PTH2R: variants seen among roughly 807,000 people sequenced by gnomAD.
The protein encoded by PTH2R is PTH2 receptor.
A neutral mutation model predicts 60.3 loss-of-function variants in PTH2R; 59 were observed. The ratio of observed to expected loss-of-function variants is 0.98; its 90% CI spans 0.79 to 1.22. PTH2R has a LOEUF of 1.22. Among genes scored for constraint, PTH2R ranks in the 50% most tolerant of loss-of-function variants. PTH2R has a pLI of 0.00. For missense variants in PTH2R, 749 were observed against 682.6 expected (o/e 1.10, Z -1.08); for synonymous variants, 256 against 243.8 (o/e 1.05, Z -0.47).
chr2:208,363,332 A>G (rs1439566427), intron 1 of PTH2R, among the ~76,000 whole-genome samples: 1 of 152,186 alleles, frequency 6.6e-6, no homozygotes, highest in African/African-American at 2.4e-5. Flanking sequence ...CTCCAGCAGC[A>G]TCCATGTTGC....
At chr2:208,439,232 A>G (rs1272620440) in intron 4 of PTH2R, among the ~76,000 whole-genome samples, 1 of 152,158 alleles carries the variant, frequency 6.6e-6, no homozygotes, top group Non-Finnish European at 1.5e-5. Context: ...AATAAAAATA[A>G]CTAAAGATGG....
chr2:208,393,219 C>A (rs1701141428), intron 1 of PTH2R, among the ~76,000 whole-genome samples: 1 of 152,156 alleles, frequency 6.6e-6, no homozygotes, highest in African/African-American at 2.4e-5. Context: ...CTACAACTTG[C>A]TTCTGTAGCT....
chr2:208,481,298 C>T (rs2105905417), intron 10 of PTH2R, 134 bp downstream of exon 10: 2 of 244,298 alleles, frequency 8.2e-6, no homozygotes, highest in East Asian at 6.2e-5. Flanking sequence ...GGCTCACTCG[C>T]CTCCCGGGTT....
At chr2:208,458,124 A>G (rs1259852968) in intron 8 of PTH2R, among the ~76,000 whole-genome samples, 2 of 152,172 alleles carry the variant, frequency 1.3e-5, no homozygotes, top group Non-Finnish European at 2.9e-5. Context: ...CCAGTGTAAG[A>G]TCTTTACTAG....
intron 2 of PTH2R, among the ~76,000 whole-genome samples, chr2:208,432,786 A>G (rs553718675): frequency 6.6e-6 from 1 of 152,296 alleles, no homozygotes; most frequent in East Asian, 1.9e-4. Flanking sequence ...CAAGGATAGG[A>G]TAAATGGATG....
At chr2:208,435,739 G>A (rs1485600680) in intron 2 of PTH2R, among the ~76,000 whole-genome samples, 1 of 152,214 alleles carries the variant, frequency 6.6e-6, no homozygotes, top group East Asian at 1.9e-4. Flanking sequence ...GAGGAATGCA[G>A]CCCTGCCCAG....
intron 1 of PTH2R, among the ~76,000 whole-genome samples, chr2:208,412,505 G>A (rs747029015): frequency 2.0e-5 from 3 of 152,218 alleles, no homozygotes; most frequent in Non-Finnish European, 4.4e-5. Context: ...TATTTCTAGA[G>A]TGATAATCAT....
chr2:208,402,313 A>G (rs1057409664), upstream of PTH2R, among the ~76,000 whole-genome samples: 1 of 152,102 alleles, frequency 6.6e-6, no homozygotes, highest in African/African-American at 2.4e-5. Flanking sequence ...GCCTGTAGCT[A>G]TTTTTATATT....
chr2:208,490,513 A>G (rs77538479), intron 11 of PTH2R, 126 bp from the exon 12 acceptor site: 1 of 780,546 alleles, frequency 1.3e-6, no homozygotes, highest in Non-Finnish European at 2.0e-6. Flanking sequence ...GGAGAGAATA[A>G]TTTGTATATA....
At chr2:208,423,643 G>A (rs901726572) in intron 1 of PTH2R, among the ~76,000 whole-genome samples, 16 of 152,164 alleles carry the variant, frequency 1.1e-4, no homozygotes, top group African/African-American at 3.9e-4. Flanking sequence ...CTATATCCTT[G>A]CTGATTTTCT....
intron 1 of PTH2R, among the ~76,000 whole-genome samples, chr2:208,388,141 C>G (rs1291703226): frequency 3.3e-5 from 5 of 150,314 alleles, no homozygotes; most frequent in African/African-American, 9.8e-5. Flanking sequence ...AACCCCCCCC[C>G]CCGTCTCTAC....
At chr2:208,360,221 A>G in exon 1 of PTH2R, 1 of 454,378 alleles carries the variant, frequency 2.2e-6, no homozygotes, top group Non-Finnish European at 4.4e-6. Context: ...AGAAAAAGGC[A>G]CAGGTTCCTT....
chr2:208,431,270 G>C (rs965364868), intron 2 of PTH2R, among the ~76,000 whole-genome samples: 43 of 151,998 alleles, frequency 2.8e-4, no homozygotes, highest in Admixed American at 2.8e-3. Context: ...ATTCAATTTT[G>C]ATAGTCTCTT....
At chr2:208,406,588 A>C (rs1268061779), upstream of PTH2R, among the ~76,000 whole-genome samples, 2 of 152,192 alleles carry the variant, frequency 1.3e-5, no homozygotes, top group African/African-American at 4.8e-5. Flanking sequence ...AACCCGGGAC[A>C]GAGTGGAGGG....
At chr2:208,430,900 A>T (rs1053541093) in intron 2 of PTH2R, among the ~76,000 whole-genome samples, 2 of 151,806 alleles carry the variant, frequency 1.3e-5, no homozygotes, top group African/African-American at 4.8e-5. Context: ...TTTAACATTG[A>T]TATTCTGCAG....
chr2:208,374,240 C>T (rs1700753449), intron 1 of PTH2R, among the ~76,000 whole-genome samples: 1 of 152,032 alleles, frequency 6.6e-6, no homozygotes, highest in Non-Finnish European at 1.5e-5. Context: ...TGATCCATCA[C>T]TCTCCTGTCT....
intron 9 of PTH2R, among the ~76,000 whole-genome samples, chr2:208,470,888 T>C (rs1294690307): frequency 6.6e-6 from 1 of 152,162 alleles, no homozygotes; most frequent in Non-Finnish European, 1.5e-5. Context: ...ATGCTGATAA[T>C]GGTGTGGACA....
intron 1 of PTH2R, among the ~76,000 whole-genome samples, chr2:208,409,351 T>C (rs1701492901): frequency 6.6e-6 from 1 of 152,180 alleles, no homozygotes; most frequent in Non-Finnish European, 1.5e-5. Flanking sequence ...TTCTCTACTC[T>C]GAAATTCCAT....
chr2:208,398,895 A>T (rs982483525), intron 1 of PTH2R, among the ~76,000 whole-genome samples: 8 of 152,224 alleles, frequency 5.3e-5, no homozygotes, highest in African/African-American at 1.9e-4. Context: ...CCAGGCACAA[A>T]TAAAACAGTC....
Sources: gnomAD v4.1 joint callset for allele counts (sites outside exome capture counted in the v4.1 genomes callset) on GRCh38, gnomAD v4.1.1 for gene constraint, MANE v1.5 for transcripts, NCBI Gene and HGNC (gene_info 2026-07-23, HGNC 2026-07-21) for gene names.